The following PHF21A variants were observed in gnomAD, a reference collection of about 807,000 sequenced individuals.
The protein encoded by PHF21A is PHD finger protein 21A, also known as BHC80a.
PHF21A carries 11 observed loss-of-function variants against 82.5 expected under a neutral mutation model. The ratio of observed to expected loss-of-function variants is 0.13; its 90% CI spans 0.08 to 0.22. The LOEUF (loss-of-function observed/expected upper bound fraction) is 0.22, where lower values mean the gene tolerates loss of function less well. Ranked by LOEUF, PHF21A falls within the 10% of genes least tolerant of loss-of-function variation. The probability of loss-of-function intolerance (pLI) is 1.00; values close to 1 mark genes in which losing one functional copy is unlikely to be tolerated. For missense variants in PHF21A, 579 were observed against 837.8 expected (o/e 0.69, Z 3.81); for synonymous variants, 297 against 302.8 (o/e 0.98, Z 0.20).
chr11:45,982,008 G>A (rs1015446637), intron 6 of PHF21A, among the ~76,000 whole-genome samples: 8 of 138,372 alleles, frequency 5.8e-5, no homozygotes, highest in Admixed American at 2.4e-4. Context: ...CCAGGCTGGA[G>A]TGCGGCAGCA....
chr11:45,945,762 A>T, intron 15 of PHF21A, 78 bp downstream of exon 15: 1 of 1,241,064 alleles, frequency 8.1e-7, no homozygotes, highest in South Asian at 1.5e-5. Flanking sequence ...GTGCAAGTCG[A>T]TAAGGAGACA....
chr11:45,935,379 G>T, intron 18 of PHF21A: 1 of 802,180 alleles, frequency 1.2e-6, no homozygotes, highest in Non-Finnish European at 1.9e-6. Context: ...TATTCAGCCT[G>T]AAGACTGAAA....
At chr11:45,957,751 C>CAAAAAAAAAAAAAAAAAAAAAAAA in intron 10 of PHF21A, among the ~76,000 whole-genome samples, 13 of 60,902 alleles carry the variant, frequency 2.1e-4, no homozygotes, top group Admixed American at 3.5e-4. Flanking sequence ...AAATTCAAAG[C>CAAAAAAAAAAAAAAAAAAAAAAAA]AAAAAAAAAA....
chr11:46,048,251 T>C (rs988545349), intron 6 of PHF21A, among the ~76,000 whole-genome samples: 2 of 152,222 alleles, frequency 1.3e-5, no homozygotes. Flanking sequence ...AACAGAATCA[T>C]ACAGTATAAG....
intron 1 of PHF21A, among the ~76,000 whole-genome samples, chr11:46,101,344 T>C (rs2097093261): frequency 6.6e-6 from 1 of 152,248 alleles, no homozygotes; most frequent in South Asian, 2.1e-4. Flanking sequence ...CATACACATT[T>C]TTCCTTTGAG....
intron 1 of PHF21A, among the ~76,000 whole-genome samples, chr11:46,114,507 T>C (rs2097263750): frequency 6.6e-6 from 1 of 152,234 alleles, no homozygotes; most frequent in Non-Finnish European, 1.5e-5. Context: ...CAACACATGC[T>C]ACTACATTTC....
At chr11:46,107,018 A>G (rs1175482341) in intron 1 of PHF21A, among the ~76,000 whole-genome samples, 2 of 152,174 alleles carry the variant, frequency 1.3e-5, no homozygotes, top group East Asian at 3.8e-4. Flanking sequence ...AGCTGTCCCC[A>G]CGGCTGCCTC....
At chr11:46,088,420 C>CAACA (rs1555182083) in intron 3 of PHF21A, among the ~76,000 whole-genome samples, 4 of 151,912 alleles carry the variant, frequency 2.6e-5, no homozygotes, top group Non-Finnish European at 4.4e-5. Flanking sequence ...ACAACAACAA[C>CAACA]AACAACAACA....
At chr11:46,062,020 C>A (rs574062198) in intron 6 of PHF21A, among the ~76,000 whole-genome samples, 2 of 151,964 alleles carry the variant, frequency 1.3e-5, no homozygotes, top group African/African-American at 4.8e-5. Flanking sequence ...TGACTGCTAG[C>A]TTTCTTTGTT....
chr11:46,035,131 C>T lies in PHF21A; in HGVS notation c.153+41623G>A, dbSNP rs1477486434. Reference sequence around the variant, plus strand: ...TACCTTAACATCCTCCCAATATGTCCGCTCTCTTTTTGGCTTCAGCTAGTT... The same window carrying T: ...TACCTTAACATCCTCCCAATATGTCTGCTCTCTTTTTGGCTTCAGCTAGTT... On this transcript the variant is annotated intron_variant, in intron 6 of 18. Coordinates refer to ENST00000676320, the MANE Select transcript of PHF21A (RefSeq NM_001352027.3). Among the ~76,000 whole-genome samples the T allele has an allele frequency of 2.6e-5, 4 of 152,056 alleles. 1 individual carries two copies. The South Asian group carries it at 6.2e-4, about 24-fold the overall frequency.
chr11:46,012,653 G>C (rs2095434991), intron 6 of PHF21A, among the ~76,000 whole-genome samples: 1 of 152,144 alleles, frequency 6.6e-6, no homozygotes, highest in South Asian at 2.1e-4. Flanking sequence ...ACAGTGCCTA[G>C]AACATAGTAG....
Position 45,933,987 on chromosome 11 carries a change from T to G in PHF21A, c.2027A>C (p.Gln676Pro). The G allele has an allele frequency of 6.3e-7, 1 of 1,576,254 alleles. No individual in the cohort carries two copies. The highest frequency in any genetic ancestry group is 1.4e-5 in the African/African-American group (1 of 73,352). Residue 676 changes from glutamine to proline, a missense_variant, in exon 19 of 19, where the codon CAG becomes CCG. This residue lies in a region of PHF21A where 157 missense variants were observed against 149.4 expected (regional missense o/e 1.05). Transcript: ENST00000676320. ...GCTCTGTTATTTAGTCTCTTCCCCC[T>G]GGTTACAGTTCGCTGTGCAGCTCTG... ...SSQSCTANCN[Q>P]GEETK
rs1298561129 is a variant in PHF21A at position 46,120,977 on chromosome 11, A to T, written c.-279T>A. 6.5e-6 allele frequency: 1 copy of T among 153,342 alleles called. No homozygotes were observed. Among genetic ancestry groups the T allele is most frequent in the Non-Finnish European group, 1.4e-5 (1 of 68,994 alleles). The allele number at this position is 153,342 out of a possible 1,614,324, so 9.5% of individuals were successfully genotyped here. On this transcript the variant is annotated 5_prime_UTR_variant, in exon 1 of 19. Coordinates refer to ENST00000676320, the MANE Select transcript of PHF21A (RefSeq NM_001352027.3). ...GCTGTCCCCCCTGGCAGCTGGAGGC[A>T]GGAACTCTGAGCAGGAGAAGCAGGA... is the stretch of plus-strand genomic sequence containing the variant.
intron 18 of PHF21A, chr11:45,934,485 G>A: frequency 2.2e-6 from 1 of 462,786 alleles, no homozygotes. Flanking sequence ...CCAACACACA[G>A]GAGTACTAAC....
intron 11 of PHF21A, 128 bp downstream of exon 11, chr11:45,953,399 T>A (rs1412296221): frequency 1.5e-5 from 10 of 676,362 alleles, no homozygotes; most frequent in Non-Finnish European, 2.7e-5. Context: ...CATTGCTGAA[T>A]AATAAAAGTG....
In PHF21A at chr11:46,014,682, A is replaced by T. The variant is rs2095478191; in HGVS notation, c.154-34716T>A. Among the ~76,000 whole-genome samples the T allele has an allele frequency of 1.3e-5, 2 of 151,518 alleles. 1 individual carries two copies. Among genetic ancestry groups the T allele is most frequent in the African/African-American group, 4.9e-5 (2 of 41,032 alleles). On this transcript the variant is annotated intron_variant, in intron 6 of 18. Transcript: ENST00000676320. ...CAACATCTGTTATTTTTGACTTTTT[A>T]ATAATAGTTATTCTGGGGCCGGGCG...
At chr11:46,084,137 G>C (rs2932515) in intron 4 of PHF21A, 29 bp downstream of exon 4, 1 of 1,526,220 alleles carries the variant, frequency 6.6e-7, no homozygotes, top group Non-Finnish European at 9.0e-7. Flanking sequence ...CTTAACAACA[G>C]TGTGGGAGAA....
chr11:45,947,429 G>A (rs2091463854), intron 14 of PHF21A, among the ~76,000 whole-genome samples: 1 of 152,198 alleles, frequency 6.6e-6, no homozygotes, highest in South Asian at 2.1e-4. Flanking sequence ...CAAGAGTCAT[G>A]ATTCTGTCAG....
At chr11:45,998,942 C>A (rs997667251) in intron 6 of PHF21A, among the ~76,000 whole-genome samples, 7 of 152,036 alleles carry the variant, frequency 4.6e-5, no homozygotes, top group Admixed American at 3.9e-4. Context: ...CCTCCCTCAG[C>A]CTCCCTCCCG....
Sources: allele counts gnomAD v4.1 joint callset (sites outside exome capture counted in the v4.1 genomes callset), GRCh38; gene constraint gnomAD v4.1.1; regional missense constraint gnomAD v4.1.1; transcripts MANE v1.5; gene names NCBI Gene and HGNC (gene_info 2026-07-23, HGNC 2026-07-21).